The following CDH13 variants were observed in gnomAD, a reference collection of about 807,000 sequenced individuals.
CDH13 encodes cadherin-13.
Under a neutral mutation model 63.8 loss-of-function variants are expected in CDH13, and 24 were observed. That is an observed-to-expected ratio of 0.38 (90% CI 0.27 to 0.53). The LOEUF (loss-of-function observed/expected upper bound fraction) is 0.53, where lower values mean the gene tolerates loss of function less well. CDH13 is among the 20% of genes least tolerant of loss of function. The probability of loss-of-function intolerance (pLI) is 0.85; values close to 1 mark genes in which losing one functional copy is unlikely to be tolerated. For synonymous variants in CDH13, 503 were observed against 355.3 expected (o/e 1.42, Z -4.67); for missense variants, 1,049 against 903.1 (o/e 1.16, Z -2.07).
At chr16:83,573,649 A>G (rs1904846913) in intron 7 of CDH13, among the ~76,000 whole-genome samples, 1 of 152,202 alleles carries the variant, frequency 6.6e-6, no homozygotes, top group Non-Finnish European at 1.5e-5. Flanking sequence ...CATTCCTAAA[A>G]TTTTTAAAAA....
At chr16:82,762,918 T>A (rs2034908483) in intron 1 of CDH13, among the ~76,000 whole-genome samples, 1 of 152,234 alleles carries the variant, frequency 6.6e-6, no homozygotes, top group African/African-American at 2.4e-5. Flanking sequence ...TGATGTTTTT[T>A]AGGAAAGATA....
intron 2 of CDH13, among the ~76,000 whole-genome samples, chr16:82,860,806 ACT>A (rs1448243762): frequency 6.6e-6 from 1 of 152,032 alleles, no homozygotes; most frequent in African/African-American, 2.4e-5. Context: ...AGTTTAGGAA[ACT>A]CTGGATTTCT....
At chr16:83,608,618 T>C (rs565852017) in intron 8 of CDH13, among the ~76,000 whole-genome samples, 2 of 151,898 alleles carry the variant, frequency 1.3e-5, no homozygotes, top group South Asian at 4.2e-4. Flanking sequence ...CCTGAGTAGC[T>C]GGGACTTCAG....
intron 8 of CDH13, among the ~76,000 whole-genome samples, chr16:83,660,626 C>G (rs1224708462): frequency 2.0e-5 from 3 of 152,216 alleles, no homozygotes; most frequent in Non-Finnish European, 4.4e-5. Flanking sequence ...ATTTGCCCCA[C>G]TTCATTGAAT....
In CDH13 at chr16:83,016,009, C is replaced by T. The variant is rs1597414345; in HGVS notation, c.158-16001C>T. ...GGAAATATGTGAGCGCTATTGTTGT[C>T]GAGTGGAGAAATCACAGAAAAATGA... is the stretch of plus-strand genomic sequence containing the variant. On this transcript the variant is annotated intron_variant, in intron 2 of 13. Transcript: ENST00000567109. 2.0e-5 allele frequency among the ~76,000 whole-genome samples: 3 copies of T among 151,942 alleles called. No individual in the cohort carries two copies. In the South Asian group the frequency reaches 6.2e-4, roughly 32 times the overall value.
chr16:83,457,991 G>A (rs567112273), intron 6 of CDH13, among the ~76,000 whole-genome samples: 131 of 152,290 alleles, frequency 8.6e-4, no homozygotes, highest in African/African-American at 3.0e-3. Context: ...AGAGGGTCCC[G>A]GGGGCAGAAT....
intron 6 of CDH13, among the ~76,000 whole-genome samples, chr16:83,449,805 G>A (rs374212375): frequency 7.4e-4 from 112 of 152,286 alleles, no homozygotes; most frequent in Middle Eastern, 3.4e-3. Context: ...ACGCTGGGAC[G>A]TACTCTGCTG....
At chr16:83,354,253 T>C (rs1394782733) in intron 6 of CDH13, among the ~76,000 whole-genome samples, 2 of 152,256 alleles carry the variant, frequency 1.3e-5, no homozygotes, top group Non-Finnish European at 2.9e-5. Context: ...CCACTGTGAA[T>C]AGCCCAGCAA....
intron 1 of CDH13, among the ~76,000 whole-genome samples, chr16:82,806,627 G>A (rs1041480742): frequency 6.6e-6 from 1 of 152,144 alleles, no homozygotes; most frequent in Non-Finnish European, 1.5e-5. Flanking sequence ...ACTGCCTGAT[G>A]GGAACCCCAG....
At chr16:83,073,321 C>CTGTGTGTGTGTGTGTG (rs567463667) in intron 3 of CDH13, among the ~76,000 whole-genome samples, 1 of 139,686 alleles carries the variant, frequency 7.2e-6, no homozygotes, top group Non-Finnish European at 1.5e-5. Context: ...GGGTGTGTGT[C>CTGTGTGTGTGTGTGTG]TGTGTGTGTG....
chr16:82,772,362 G>A (rs2035303199), intron 1 of CDH13, among the ~76,000 whole-genome samples: 1 of 152,122 alleles, frequency 6.6e-6, no homozygotes, highest in Non-Finnish European at 1.5e-5. Flanking sequence ...GGATGTGGAT[G>A]GTGCAGGGAC....
At chr16:82,668,944 G>T (rs1217510542) in intron 1 of CDH13, among the ~76,000 whole-genome samples, 1 of 152,324 alleles carries the variant, frequency 6.6e-6, no homozygotes, top group Admixed American at 6.5e-5. Context: ...TGACAACAGG[G>T]CTGGCTGTTA....
rs553552858 is a variant in CDH13, at chr16:83,436,769, T to C, written c.782-49708T>C. 2.0e-3 allele frequency among the ~76,000 whole-genome samples: 302 copies of C among 152,346 alleles called. 2 individuals are homozygous for C. The highest frequency in any genetic ancestry group is 3.9e-3 in the Admixed American group (59 of 15,308). On this transcript the variant is annotated intron_variant, in intron 6 of 13. Transcript: ENST00000567109. ...TTTGGTGCCTGTGGCTGGGAGACCT[T>C]GCAGAGGTTTTCAAGGTCTGCTGTG...
chr16:83,599,544 T>A (rs1833130372), intron 7 of CDH13, among the ~76,000 whole-genome samples: 1 of 152,156 alleles, frequency 6.6e-6, no homozygotes, highest in African/African-American at 2.4e-5. Flanking sequence ...AAAATGTATA[T>A]AAGCCTTCAT....
chr16:83,288,169 T>A (rs1169051947), intron 5 of CDH13, among the ~76,000 whole-genome samples: 1 of 152,188 alleles, frequency 6.6e-6, no homozygotes, highest in Non-Finnish European at 1.5e-5. Context: ...AGTTTTTTGG[T>A]GCCTCCTTTG....
chr16:83,415,834 G>C (rs189807450), intron 6 of CDH13, among the ~76,000 whole-genome samples: 236 of 152,224 alleles, frequency 1.6e-3, no homozygotes, highest in Middle Eastern at 3.4e-3. Flanking sequence ...TACCTTCTAA[G>C]ATCAGAAACA....
At chr16:82,654,936 A>T (rs954090957) in intron 1 of CDH13, among the ~76,000 whole-genome samples, 6 of 152,224 alleles carry the variant, frequency 3.9e-5, no homozygotes, top group African/African-American at 1.4e-4. Context: ...CAGGCAAAGT[A>T]GCTGAGGCCC....
intron 6 of CDH13, among the ~76,000 whole-genome samples, chr16:83,413,995 A>G (rs942675337): frequency 2.0e-5 from 3 of 151,540 alleles, no homozygotes; most frequent in African/African-American, 7.3e-5. Flanking sequence ...CTCCATCTCA[A>G]AAAAAACAAA....
intron 3 of CDH13, among the ~76,000 whole-genome samples, chr16:83,076,656 C>T (rs1381638406): frequency 6.6e-6 from 1 of 151,870 alleles, no homozygotes; most frequent in South Asian, 2.1e-4. Flanking sequence ...CACACACAGT[C>T]CCTGCCTCTA....
Sources: gnomAD v4.1 joint callset for allele counts (sites outside exome capture counted in the v4.1 genomes callset) on GRCh38, gnomAD v4.1.1 for gene constraint, MANE v1.5 for transcripts, NCBI Gene and HGNC (gene_info 2026-07-23, HGNC 2026-07-21) for gene names.